Variants in EHBP1 observed in about 807,000 individuals in gnomAD.
The protein encoded by EHBP1 is EH domain binding protein 1.
A neutral mutation model predicts 144.0 loss-of-function variants in EHBP1; 55 were observed. That is an observed-to-expected ratio of 0.38 (90% CI 0.31 to 0.48). The LOEUF (loss-of-function observed/expected upper bound fraction) is 0.48, where lower values mean the gene tolerates loss of function less well. Among genes scored for constraint, EHBP1 ranks in the 20% least tolerant of loss-of-function variants. EHBP1 has a pLI of 0.98. For missense variants in EHBP1, 1,200 were observed against 1,364.2 expected, an observed-to-expected ratio of 0.88 and a Z score of 1.90; for synonymous variants, 469 against 472.7, an observed-to-expected ratio of 0.99 and a Z score of 0.10.
chr2:62,945,592 A>G (rs1343654894), intron 12 of EHBP1, among the ~76,000 whole-genome samples: 1 of 152,156 alleles, frequency 6.6e-6, no homozygotes, highest in African/African-American at 2.4e-5. Flanking sequence ...TCTACAAAAA[A>G]TGAAAATGTT....
intron 19 of EHBP1, among the ~76,000 whole-genome samples, chr2:63,028,481 G>A (rs1211271638): frequency 6.6e-6 from 1 of 151,868 alleles, no homozygotes; most frequent in Non-Finnish European, 1.5e-5. Context: ...TGTTCCACAG[G>A]CTGGCCTTGA....
At chr2:62,988,284 A>G (rs572093765) in intron 15 of EHBP1, among the ~76,000 whole-genome samples, 50 of 152,192 alleles carry the variant, frequency 3.3e-4, no homozygotes, top group African/African-American at 1.2e-3. Context: ...AAGATTCACT[A>G]TTGTATTTTA....
chr2:62,790,878 GTTAATCTATTTCAAAT>G (rs1297349794), intron 5 of EHBP1, among the ~76,000 whole-genome samples: 3 of 152,000 alleles, frequency 2.0e-5, no homozygotes, highest in African/African-American at 4.8e-5. Flanking sequence ...CTTTCAGGCA[GTTAATCTATTTCAAAT>G]TAGTGTTGTA....
chr2:62,954,652 A>T (rs1371835104), intron 13 of EHBP1, among the ~76,000 whole-genome samples: 2 of 152,180 alleles, frequency 1.3e-5, no homozygotes, highest in East Asian at 3.8e-4. Flanking sequence ...CTTAAAAAAG[A>T]TGGTTTCACA....
chr2:62,776,360 A>C (rs891449042), intron 5 of EHBP1, among the ~76,000 whole-genome samples: 3 of 152,208 alleles, frequency 2.0e-5, no homozygotes, highest in Admixed American at 6.5e-5. Flanking sequence ...GTCATGTATA[A>C]AATGATGGTA....
chr2:62,848,534 GCATACAT>G (rs1005461078), intron 7 of EHBP1, among the ~76,000 whole-genome samples: 125 of 152,226 alleles, frequency 8.2e-4, no homozygotes, highest in African/African-American at 3.0e-3. Flanking sequence ...AATAGCTCAG[GCATACAT>G]CAACAGAAGA....
intron 14 of EHBP1, among the ~76,000 whole-genome samples, chr2:62,960,083 A>C (rs1246876657): frequency 5.9e-5 from 9 of 152,188 alleles, no homozygotes; most frequent in Non-Finnish European, 1.0e-4. Context: ...ACTTGTAAGA[A>C]ATAAAGCCTT....
At chr2:62,816,664 A>G (rs918617021) in intron 5 of EHBP1, among the ~76,000 whole-genome samples, 22 of 152,302 alleles carry the variant, frequency 1.4e-4, no homozygotes, top group African/African-American at 5.3e-4. Flanking sequence ...CAGTTAGGGG[A>G]TAATCTGTGT....
At chr2:63,026,445 G>A (rs1297043805) in intron 19 of EHBP1, among the ~76,000 whole-genome samples, 2 of 151,972 alleles carry the variant, frequency 1.3e-5, no homozygotes, top group African/African-American at 4.8e-5. Context: ...TATTCTAAGT[G>A]CTTTACATAT....
intron 19 of EHBP1, among the ~76,000 whole-genome samples, chr2:63,017,946 T>C (rs1285400406): frequency 6.6e-6 from 1 of 152,164 alleles, no homozygotes. Context: ...GGAGGATTGC[T>C]TGAAGCCAAG....
At chr2:62,966,843 A>G (rs1345814136) in intron 14 of EHBP1, among the ~76,000 whole-genome samples, 2 of 152,172 alleles carry the variant, frequency 1.3e-5, no homozygotes, top group Non-Finnish European at 2.9e-5. Context: ...AAATTTTTAA[A>G]AGAAATTTAA....
intron 1 of EHBP1, among the ~76,000 whole-genome samples, chr2:62,676,709 CT>C (rs895114591): frequency 3.8e-4 from 56 of 146,936 alleles, no homozygotes; most frequent in Admixed American, 6.1e-4. Context: ...AACCATATTC[CT>C]TTTTTTTTTT....
In EHBP1 at chr2:62,942,904, G is replaced by T; in HGVS notation, c.1364+8G>T. On this transcript the variant is annotated splice_region_variant and intron_variant, in intron 11 of 22. Coordinates refer to ENST00000431489, the MANE Select transcript of EHBP1 (RefSeq NM_001142616.3). ...CTTTAGACCAGATTTAATGTAAGTA[G>T]AAACATTTTCCATTCCCTATATTTT... The T allele has an allele frequency of 6.4e-7, 1 of 1,563,060 alleles. No homozygotes were observed. Among genetic ancestry groups the T allele is most frequent in the Non-Finnish European group, 8.7e-7 (1 of 1,147,496 alleles).
Position 62,759,146 on chromosome 2 carries a change from A to G in EHBP1, c.163-5120A>G, listed in dbSNP as rs562557496. Among the ~76,000 whole-genome samples the G allele has an allele frequency of 5.3e-5, 8 of 152,308 alleles. No individual in the cohort carries two copies. The South Asian group carries it at 1.2e-3, about 24-fold the overall frequency. The stretch of plus-strand genomic sequence containing the variant: ...CCAAGTTGGTTTTTGGCAGATGTCA[A>G]AGGATCTTTGATGTGACTTGAAATG... On this transcript the variant is annotated intron_variant, in intron 3 of 22. Transcript: ENST00000431489.
At chr2:62,694,636 A>G (rs2034021877) in intron 1 of EHBP1, among the ~76,000 whole-genome samples, 2 of 152,272 alleles carry the variant, frequency 1.3e-5, no homozygotes, top group African/African-American at 2.4e-5. Context: ...AAATGACCAA[A>G]TTAGAGCTGG....
chr2:62,823,768 G>C (rs534249643), intron 5 of EHBP1, among the ~76,000 whole-genome samples: 1 of 152,052 alleles, frequency 6.6e-6, no homozygotes, highest in Admixed American at 6.5e-5. Flanking sequence ...AGAATTACTA[G>C]GAACACCATT....
At chr2:63,013,513 T>C (rs1198147356) in intron 19 of EHBP1, among the ~76,000 whole-genome samples, 1 of 152,086 alleles carries the variant, frequency 6.6e-6, no homozygotes, top group African/African-American at 2.4e-5. Flanking sequence ...CCCTGCTGCT[T>C]GAAACCCCCC....
At chr2:63,016,314 C>T (rs2153270552) in intron 19 of EHBP1, among the ~76,000 whole-genome samples, 1 of 152,040 alleles carries the variant, frequency 6.6e-6, no homozygotes, top group South Asian at 2.1e-4. Flanking sequence ...ATTTTAGTTA[C>T]TTTATGTTAC....
At chr2:62,959,055 C>G (rs895048321) in intron 14 of EHBP1, among the ~76,000 whole-genome samples, 1 of 152,198 alleles carries the variant, frequency 6.6e-6, no homozygotes, top group Non-Finnish European at 1.5e-5. Flanking sequence ...CAGTCCCTGT[C>G]TACCACTGTT....
Sources: gnomAD v4.1 joint callset for allele counts (sites outside exome capture counted in the v4.1 genomes callset) on GRCh38, gnomAD v4.1.1 for gene constraint, MANE v1.5 for transcripts, NCBI Gene and HGNC (gene_info 2026-07-23, HGNC 2026-07-21) for gene names.